The following SPATS2L variants were observed in gnomAD, a reference collection of about 807,000 sequenced individuals.
SPATS2L encodes the protein SPATS2-like protein.
Under a neutral mutation model 59.6 loss-of-function variants are expected in SPATS2L, and 30 were observed. The observed-to-expected ratio is 0.50, with a 90% CI of 0.38 to 0.68. SPATS2L has a LOEUF of 0.68. SPATS2L is among the 30% of genes least tolerant of loss of function. The probability of loss-of-function intolerance (pLI) is 0.00; values close to 1 mark genes in which losing one functional copy is unlikely to be tolerated. For missense variants in SPATS2L, 615 were observed against 700.0 expected (o/e 0.88, Z 1.37); for synonymous variants, 252 against 263.5 (o/e 0.96, Z 0.42).
At chr2:200,354,973 G>A (rs924060239) in intron 2 of SPATS2L, among the ~76,000 whole-genome samples, 4 of 152,044 alleles carry the variant, frequency 2.6e-5, no homozygotes, top group Non-Finnish European at 4.4e-5. Flanking sequence ...AATGTCAACC[G>A]TGAATGACTT....
At chr2:200,429,213 C>T (rs1345941784) in intron 6 of SPATS2L, among the ~76,000 whole-genome samples, 1 of 152,048 alleles carries the variant, frequency 6.6e-6, no homozygotes, top group Non-Finnish European at 1.5e-5. Flanking sequence ...GAGATAAGAA[C>T]CATACTGGTT....
intron 1 of SPATS2L, among the ~76,000 whole-genome samples, chr2:200,321,029 A>T (rs775281704): frequency 6.6e-6 from 1 of 152,192 alleles, no homozygotes; most frequent in Non-Finnish European, 1.5e-5. Flanking sequence ...AATAATACAT[A>T]CTCTTTGAAT....
In SPATS2L at chr2:200,480,837, C is replaced by T. The variant is rs919109156; in HGVS notation, c.*2806C>T. On this transcript the variant is annotated 3_prime_UTR_variant, in exon 13 of 13. Transcript: ENST00000409140. ...TGGTGTGATCCTAGAGAACTGAGTC[C>T]TATTCTGCCATTCATTTAAAGTGTT... 1.3e-5 allele frequency: 2 copies of T among 152,232 alleles called. No individual in the cohort carries two copies. The highest frequency in any genetic ancestry group is 4.8e-5 in the African/African-American group (2 of 41,454). The allele number at this position is 152,232 out of a possible 1,614,324, so 9.4% of individuals were successfully genotyped here.
chr2:200,419,604 C>A, intron 6 of SPATS2L, 108 bp downstream of exon 6: 3 of 1,298,406 alleles, frequency 2.3e-6, no homozygotes, highest in Non-Finnish European at 3.2e-6. Context: ...GGTTGTTTTT[C>A]TGCAGTGTGT....
At chr2:200,306,325 G>A (rs1433725146), upstream of SPATS2L, 2 of 1,002,196 alleles carry the variant, frequency 2.0e-6, no homozygotes, top group Non-Finnish European at 2.4e-6. Context: ...CAACACGTGC[G>A]GATTGTGACA....
intron 2 of SPATS2L, among the ~76,000 whole-genome samples, chr2:200,381,100 CAGTT>C (rs1400927841): frequency 3.9e-5 from 6 of 152,284 alleles, no homozygotes; most frequent in Non-Finnish European, 5.9e-5. Context: ...GGCAATTTAA[CAGTT>C]AGGCCACAGA....
At chr2:200,408,013 G>C (rs2082746612) in intron 3 of SPATS2L, among the ~76,000 whole-genome samples, 1 of 152,178 alleles carries the variant, frequency 6.6e-6, no homozygotes, top group Admixed American at 6.5e-5. Flanking sequence ...CCCTCACGTT[G>C]CCTACCATCT....
chr2:200,434,263 G>T (rs2084131068), intron 6 of SPATS2L, among the ~76,000 whole-genome samples: 1 of 151,898 alleles, frequency 6.6e-6, no homozygotes, highest in African/African-American at 2.4e-5. Flanking sequence ...GAATACAAGA[G>T]AATTTTTAGA....
At chr2:200,428,673 A>G (rs564126058) in intron 6 of SPATS2L, among the ~76,000 whole-genome samples, 7 of 152,236 alleles carry the variant, frequency 4.6e-5, no homozygotes, top group African/African-American at 1.7e-4. Context: ...CTTCAACAAC[A>G]TGCTCAAAAC....
intron 6 of SPATS2L, among the ~76,000 whole-genome samples, chr2:200,423,153 T>C (rs776956507): frequency 2.3e-4 from 35 of 152,314 alleles, no homozygotes; most frequent in Admixed American, 1.6e-3. Flanking sequence ...GTTGTTTATT[T>C]CTGGAATTTT....
intron 8 of SPATS2L, 34 bp downstream of exon 8, chr2:200,440,818 G>C (rs2084645342): frequency 6.2e-7 from 1 of 1,608,716 alleles, no homozygotes; most frequent in Admixed American, 1.7e-5. Context: ...ATAAATTTGT[G>C]ATGCTTGAGC....
intron 3 of SPATS2L, among the ~76,000 whole-genome samples, chr2:200,399,703 A>G (rs972842770): frequency 6.6e-6 from 1 of 152,190 alleles, no homozygotes; most frequent in Non-Finnish European, 1.5e-5. Context: ...ATGAAAAATG[A>G]TATGTAGGTG....
At chr2:200,312,549 G>A (rs775677687) in intron 1 of SPATS2L, among the ~76,000 whole-genome samples, 1 of 152,098 alleles carries the variant, frequency 6.6e-6, no homozygotes, top group Non-Finnish European at 1.5e-5. Flanking sequence ...TATAAGCATC[G>A]CCTATACCAG....
chr2:200,325,504 G>A (rs377727005), intron 1 of SPATS2L, among the ~76,000 whole-genome samples: 13 of 152,098 alleles, frequency 8.5e-5, no homozygotes, highest in African/African-American at 2.2e-4. Flanking sequence ...TCAGCCTCCC[G>A]AGTAGTTGGG....
At position 200,319,564 on chromosome 2, in the gene SPATS2L, CAAAAAAAAAAAA is replaced by C. The variant is rs56210295; in HGVS notation, c.-72-9854_-72-9843del. 7.8e-5 allele frequency among the ~76,000 whole-genome samples: 4 copies of C among 51,004 alleles called. No homozygotes were observed. In the East Asian group the frequency reaches 1.8e-3, roughly 23 times the overall value. The allele number at this position is 51,004 out of a possible 152,430, so 33.5% of individuals were successfully genotyped here. On this transcript the variant is annotated intron_variant, in intron 1 of 12. Coordinates refer to ENST00000409140, the MANE Select transcript of SPATS2L (RefSeq NM_001100423.2). ...TAGGTGACAGAGCGAGACCCCACCT[CAAAAAAAAAAAA>C]AAAAAAAAAAAAGCATCTTGAATGC... is the stretch of plus-strand genomic sequence containing the variant.
chr2:200,446,013 CCG>C (rs1294877626), intron 8 of SPATS2L, among the ~76,000 whole-genome samples: 1 of 152,162 alleles, frequency 6.6e-6, no homozygotes, highest in Admixed American at 6.5e-5. Flanking sequence ...TGCCTAAGTG[CCG>C]CCCCCAGAGA....
intron 8 of SPATS2L, among the ~76,000 whole-genome samples, chr2:200,447,072 A>G (rs967396413): frequency 3.3e-5 from 5 of 152,246 alleles, no homozygotes; most frequent in African/African-American, 1.2e-4. Context: ...ATAGGCAGTC[A>G]CTTTCATTAG....
chr2:200,366,486 A>C (rs1402987472), intron 2 of SPATS2L, among the ~76,000 whole-genome samples: 1 of 152,182 alleles, frequency 6.6e-6, no homozygotes, highest in Non-Finnish European at 1.5e-5. Context: ...TTATACTAAG[A>C]ATTTCAAGTG....
intron 2 of SPATS2L, among the ~76,000 whole-genome samples, chr2:200,361,664 C>T (rs1338861272): frequency 1.3e-5 from 2 of 152,210 alleles, no homozygotes; most frequent in African/African-American, 4.8e-5. Context: ...AGATTTACAA[C>T]TGAATAAGCC....
Sources: gnomAD v4.1 joint callset for allele counts (sites outside exome capture counted in the v4.1 genomes callset) on GRCh38, gnomAD v4.1.1 for gene constraint, MANE v1.5 for transcripts, NCBI Gene and HGNC (gene_info 2026-07-23, HGNC 2026-07-21) for gene names.